The following BUD13 variants were observed in gnomAD, a reference collection of about 807,000 sequenced individuals.
The protein encoded by BUD13 is BUD13 homolog.
BUD13 carries 47 observed loss-of-function variants against 62.5 expected under a neutral mutation model. The ratio of observed to expected loss-of-function variants is 0.75; its 90% CI spans 0.60 to 0.96. The LOEUF (loss-of-function observed/expected upper bound fraction) is 0.96, where lower values mean the gene tolerates loss of function less well. Among genes scored for constraint, BUD13 ranks in the 40% least tolerant of loss-of-function variants. The probability of loss-of-function intolerance (pLI) is 0.00; values close to 1 mark genes in which losing one functional copy is unlikely to be tolerated. For missense variants in BUD13, 821 were observed against 790.9 expected, an observed-to-expected ratio of 1.04 and a Z score of -0.46; for synonymous variants, 293 against 280.1, an observed-to-expected ratio of 1.05 and a Z score of -0.46.
rs866477425 is a variant in BUD13, at chr11:116,772,861, C to T, written c.104G>A (p.Arg35His). 4 of 1,588,658 alleles carry T rather than the reference C, an allele frequency of 2.5e-6. No homozygotes were observed. The highest frequency in any genetic ancestry group is 2.7e-5 in the African/African-American group (2 of 73,118). ...DRGSESGRKRRKKRPKPGGAG... is the reference protein window; with the variant it reads ...DRGSESGRKRHKKRPKPGGAG... ...CCCGCCAGGCTTCGGCCGCTTTTTGCGACGCTTGCGACCGGACTCAGATCC... is the reference window on the plus strand; with the variant it reads ...CCCGCCAGGCTTCGGCCGCTTTTTGTGACGCTTGCGACCGGACTCAGATCC... The change falls in exon 1 of 10, where the codon CGC (arginine) becomes CAC (histidine). Residue 35 changes from arginine to histidine, a missense_variant. Coordinates refer to ENST00000260210, the MANE Select transcript of BUD13 (RefSeq NM_032725.4).
chr11:116,757,461 A>ATT (rs35269431), intron 8 of BUD13, among the ~76,000 whole-genome samples: 4 of 138,856 alleles, frequency 2.9e-5, no homozygotes, highest in Non-Finnish European at 3.1e-5. Context: ...ATGACCGGCT[A>ATT]TTTTTTTTTT....
chr11:116,748,864 T>C (rs1263719973), intron 9 of BUD13, among the ~76,000 whole-genome samples: 1 of 151,318 alleles, frequency 6.6e-6, no homozygotes, highest in African/African-American at 2.4e-5. Flanking sequence ...CAGGTGCCTG[T>C]AATCCAGCTA....
intron 1 of BUD13, 137 bp downstream of exon 1, chr11:116,772,685 G>A (rs755813011): frequency 2.2e-4 from 266 of 1,228,530 alleles, no homozygotes; most frequent in Non-Finnish European, 1.4e-4. Flanking sequence ...ATGTGAGTGG[G>A]GCCCTGAGCA....
intron 9 of BUD13, among the ~76,000 whole-genome samples, chr11:116,752,321 G>A (rs1043354798): frequency 2.6e-5 from 4 of 151,962 alleles, no homozygotes; most frequent in African/African-American, 4.8e-5. Context: ...TATCTGTTCC[G>A]GAAATATTCC....
In BUD13 at chr11:116,762,588, G is replaced by A; in HGVS notation, c.1001C>T (p.Ser334Phe). Residue 334 changes from serine (S) to phenylalanine (F), a missense_variant, in exon 4 of 10, where the codon TCC becomes TTC. This residue lies in a region of BUD13 where 800 missense variants were observed against 739.2 expected (regional missense o/e 1.08). Transcript: ENST00000260210. ...AAGCTGCTTCTTGTCTCCAAAATGG[G>A]ATTTTGCTTGCTTTTTTCGTGGAGG... is the stretch of plus-strand genomic sequence containing the variant. Reference protein sequence around the residue: ...ISPPRKKQAKSHFGDKKQLDS... With the variant: ...ISPPRKKQAKFHFGDKKQLDS... 1.2e-6 allele frequency: 2 copies of A among 1,612,886 alleles called. No individual in the cohort carries two copies. The highest frequency in any genetic ancestry group is 1.7e-6 in the Non-Finnish European group (2 of 1,179,574).
Position 116,757,781 on chromosome 11 carries a change from T to A in BUD13, c.1669A>T (p.Asn557Tyr). ...NFIKKNKAKE[N>Y]KNKKVRPRYS... ...GAAGTCCCACCTTTTTTATTCTTGT[T>A]CTCCTTGGCCTTATTCTTCTTGATG... Residue 557 changes from asparagine to tyrosine, a missense_variant, in exon 8 of 10, where the codon AAC becomes TAC. By Grantham distance (143) the Asn-to-Tyr change is moderately radical. Around this residue, in one of 2 missense-constraint regions of BUD13, gnomAD observed 800 missense variants for 739.2 expected, o/e 1.08. Transcript: ENST00000260210. The A allele has an allele frequency of 6.2e-7, 1 of 1,607,752 alleles. No homozygotes were observed. Among genetic ancestry groups the A allele is most frequent in the South Asian group, 1.1e-5 (1 of 89,246 alleles).
At chr11:116,767,332 G>A (rs1431303851) in intron 2 of BUD13, among the ~76,000 whole-genome samples, 2 of 150,988 alleles carry the variant, frequency 1.3e-5, no homozygotes, top group South Asian at 2.1e-4. Context: ...GGTGGCTCAC[G>A]TCTGTAATCC....
intron 2 of BUD13, among the ~76,000 whole-genome samples, chr11:116,769,652 A>G (rs623908): frequency 0.41 from 61,977 of 152,082 alleles, 12,754 homozygotes; most frequent in Middle Eastern, 0.44. Flanking sequence ...GTTGGTGTAT[A>G]GGCATCAGCA....
In BUD13 at chr11:116,762,954, C is replaced by A. The variant is rs1182563137; in HGVS notation, c.635G>T (p.Gly212Val). 1 of 1,612,514 alleles carries A rather than the reference C, an allele frequency of 6.2e-7. No homozygotes were observed. Among genetic ancestry groups the A allele is most frequent in the South Asian group, 1.1e-5 (1 of 90,992 alleles). Residue 212 changes from glycine to valine, a missense_variant, in exon 4 of 10, where the codon GGT (glycine) becomes GTT (valine). By Grantham distance (109) the Gly-to-Val change is moderately radical. Coordinates refer to ENST00000260210, the MANE Select transcript of BUD13 (RefSeq NM_032725.4). ...PPRRPQHNSS[G>V]ASPRRVRHDS... is the part of the protein sequence containing the mutation. ...ATGACGGACTCTCCTAGGAGATGCA[C>A]CTGAAGAATTATGCTGAGGCCTCCT... is the stretch of plus-strand genomic sequence containing the variant.
chr11:116,770,925 C>G (rs190567657), intron 1 of BUD13, among the ~76,000 whole-genome samples: 37 of 152,268 alleles, frequency 2.4e-4, no homozygotes, highest in Non-Finnish European at 5.1e-4. Context: ...TCCCAAGTAG[C>G]TGGGACTACA....
chr11:116,763,174 A>G lies in BUD13; in HGVS notation c.415T>C (p.Ser139Pro), dbSNP rs1174216639. 2.5e-6 allele frequency: 4 copies of G among 1,602,008 alleles called. No homozygotes were observed. The African/African-American group carries it at 5.4e-5, about 21-fold the overall frequency. ...RRVRHGTPDP[S>P]PRKDRHDTPD... ...GTGTCATGACGGTCCTTCCTAGGAG[A>G]TGGATCTGGGGTACCATGACGGACC... Residue 139 changes from serine to proline, a missense_variant, in exon 4 of 10, where the codon TCT becomes CCT. Physicochemically the swap from Ser to Pro is moderately conservative, Grantham distance 74. Transcript: ENST00000260210.
intron 4 of BUD13, 114 bp downstream of exon 4, chr11:116,762,439 T>G: frequency 1.1e-6 from 1 of 944,182 alleles, no homozygotes; most frequent in South Asian, 1.8e-5. Context: ...AGCCTCTCAC[T>G]TTTCAAAACT....
chr11:116,767,005 C>T (rs1031824830), intron 2 of BUD13, among the ~76,000 whole-genome samples: 3 of 150,600 alleles, frequency 2.0e-5, no homozygotes, highest in African/African-American at 2.4e-5. Flanking sequence ...CTAGGCAACA[C>T]GGTGAAACCC....
chr11:116,772,327 T>A (rs1244281778), intron 1 of BUD13, among the ~76,000 whole-genome samples: 1 of 152,244 alleles, frequency 6.6e-6, no homozygotes, highest in Non-Finnish European at 1.5e-5. Flanking sequence ...TTTCTTATAA[T>A]GGTGCCTGGC....
chr11:116,767,767 A>G (rs1014632883), intron 2 of BUD13, among the ~76,000 whole-genome samples: 1 of 151,814 alleles, frequency 6.6e-6, no homozygotes, highest in Non-Finnish European at 1.5e-5. Context: ...TGAGCCCAGG[A>G]GGTCAAGACC....
intron 6 of BUD13, among the ~76,000 whole-genome samples, 176 bp from the exon 7 acceptor site, chr11:116,758,583 CTTTTTTT>C (rs397687372): frequency 1.7e-5 from 2 of 116,622 alleles, no homozygotes; most frequent in Admixed American, 9.8e-5. Flanking sequence ...TGGCATTTTC[CTTTTTTT>C]TTTTTTTTTT....
chr11:116,756,237 T>C (rs1250486778), intron 9 of BUD13, among the ~76,000 whole-genome samples: 2 of 151,854 alleles, frequency 1.3e-5, no homozygotes, highest in East Asian at 3.9e-4. Flanking sequence ...CCTGTAATCC[T>C]GTAATCCTGT....
At position 116,763,098 on chromosome 11, in the gene BUD13, G is replaced by C. The variant is rs903638847; in HGVS notation, c.491C>G (p.Pro164Arg). The change falls in exon 4 of 10, where the codon CCC becomes CGC. Residue 164 changes from proline (P) to arginine (R), a missense_variant. Physicochemically the swap from Pro to Arg is moderately radical, Grantham distance 103 (BLOSUM62 -2). Transcript: ENST00000260210. ...TGAGTCATGACGAGCCCCTCTGAGG[G>C]GAGAAGGATCCGGGGTGTCATGACG... ...RARHDTPDPS[P>R]LRGARHDSDT... 1 of 1,581,960 alleles carries C rather than the reference G, an allele frequency of 6.3e-7. No homozygotes were observed. The highest frequency in any genetic ancestry group is 1.7e-5 in the Admixed American group (1 of 58,276).
At chr11:116,769,618 G>C (rs1234968713) in intron 2 of BUD13, among the ~76,000 whole-genome samples, 1 of 152,170 alleles carries the variant, frequency 6.6e-6, no homozygotes, top group African/African-American at 2.4e-5. Flanking sequence ...TTTCTAGGCT[G>C]ATGGACCCTC....
Sources: gnomAD v4.1 joint callset for allele counts (sites outside exome capture counted in the v4.1 genomes callset) on GRCh38, gnomAD v4.1.1 for gene constraint, gnomAD v4.1.1 regional missense constraint, MANE v1.5 for transcripts, NCBI Gene and HGNC (gene_info 2026-07-23, HGNC 2026-07-21) for gene names.